The following ACSL3 variants were observed in gnomAD, a reference collection of about 807,000 sequenced individuals.
The protein encoded by ACSL3 is fatty acid CoA ligase Acsl3.
ACSL3 carries 34 observed loss-of-function variants against 84.7 expected under a neutral mutation model. The ratio of observed to expected loss-of-function variants is 0.40; its 90% confidence interval spans 0.31 to 0.53. ACSL3 has a LOEUF of 0.53. Ranked by LOEUF, ACSL3 falls within the 20% of genes least tolerant of loss-of-function variation. The pLI is 0.48. For synonymous variants in ACSL3, 315 were observed against 299.4 expected, an observed-to-expected ratio of 1.05 and a Z score of -0.54; for missense variants, 680 against 873.1, an observed-to-expected ratio of 0.78 and a Z score of 2.79.
At chr2:222,921,065 A>G (rs1696721647) in intron 7 of ACSL3, 1 of 655,062 alleles carries the variant, frequency 1.5e-6, no homozygotes. Context: ...AGTTTTCTTC[A>G]TAGGTTAATC....
intron 3 of ACSL3, among the ~76,000 whole-genome samples, chr2:222,902,482 T>G (rs945426407): frequency 1.3e-5 from 2 of 152,192 alleles, no homozygotes; most frequent in African/African-American, 4.8e-5. Context: ...CCTTTGAAAA[T>G]AAATACTTGG....
chr2:222,902,803 G>C (rs753922750), intron 3 of ACSL3, among the ~76,000 whole-genome samples: 10 of 152,228 alleles, frequency 6.6e-5, no homozygotes, highest in Non-Finnish European at 1.3e-4. Flanking sequence ...ACAAATTCCT[G>C]GTGGCTCCAC....
At chr2:222,888,455 A>G (rs1485722104) in intron 2 of ACSL3, among the ~76,000 whole-genome samples, 1 of 152,168 alleles carries the variant, frequency 6.6e-6, no homozygotes, top group Non-Finnish European at 1.5e-5. Context: ...ATTGAGTAGG[A>G]CTGCTGTAGG....
chr2:222,899,706 G>A (rs1377980000), intron 2 of ACSL3, among the ~76,000 whole-genome samples: 1 of 152,098 alleles, frequency 6.6e-6, no homozygotes, highest in Non-Finnish European at 1.5e-5. Flanking sequence ...CGCCCACCCT[G>A]GGTACAGTGC....
intron 5 of ACSL3, 99 bp from the exon 6 acceptor site, chr2:222,917,947 G>T: frequency 1.2e-6 from 1 of 808,288 alleles, no homozygotes. Context: ...AACAGTTTAG[G>T]GCTCCTAATG....
intron 2 of ACSL3, among the ~76,000 whole-genome samples, chr2:222,899,807 C>T (rs949382615): frequency 6.6e-6 from 1 of 152,108 alleles, no homozygotes; most frequent in Non-Finnish European, 1.5e-5. Context: ...TTGCAAAAAT[C>T]AATGTTATCT....
chr2:222,941,272 C>G (rs569994746), intron 16 of ACSL3, among the ~76,000 whole-genome samples: 6 of 152,056 alleles, frequency 3.9e-5, no homozygotes, highest in Admixed American at 3.9e-4. Context: ...TATTTTGTTC[C>G]TATATCATAT....
intron 1 of ACSL3, among the ~76,000 whole-genome samples, chr2:222,877,544 G>A (rs1282138206): frequency 6.6e-6 from 1 of 152,080 alleles, no homozygotes; most frequent in Non-Finnish European, 1.5e-5. Flanking sequence ...CCTCAGTGAC[G>A]GCTACATATA....
At chr2:222,938,065 C>T (rs1237582323) in intron 16 of ACSL3, among the ~76,000 whole-genome samples, 3 of 152,096 alleles carry the variant, frequency 2.0e-5, no homozygotes, top group Non-Finnish European at 4.4e-5. Context: ...CATATAAAAA[C>T]TTGACTCCTT....
At chr2:222,906,794 T>C (rs1696304785) in intron 3 of ACSL3, among the ~76,000 whole-genome samples, 2 of 152,188 alleles carry the variant, frequency 1.3e-5, no homozygotes, top group Non-Finnish European at 2.9e-5. Flanking sequence ...TTTGTATTTT[T>C]AGTAGAGACG....
chr2:222,866,683 TA>T (rs1559273369), intron 1 of ACSL3, among the ~76,000 whole-genome samples: 1 of 119,682 alleles, frequency 8.4e-6, no homozygotes, highest in Admixed American at 1.1e-4. Context: ...TGATGACATT[TA>T]GGGGCAGTTT....
intron 1 of ACSL3, among the ~76,000 whole-genome samples, chr2:222,869,181 C>G (rs1695233787): frequency 1.3e-5 from 2 of 152,030 alleles, no homozygotes; most frequent in Non-Finnish European, 2.9e-5. Context: ...TTGTGTTGTT[C>G]AGTGGAGAAG....
intron 1 of ACSL3, among the ~76,000 whole-genome samples, chr2:222,876,466 C>T (rs1390883251): frequency 6.6e-6 from 1 of 151,982 alleles, no homozygotes; most frequent in Non-Finnish European, 1.5e-5. Flanking sequence ...GGACTACAGG[C>T]GTGTGCCACC....
chr2:222,880,556 C>T (rs1214639107), intron 1 of ACSL3, among the ~76,000 whole-genome samples: 14 of 152,092 alleles, frequency 9.2e-5, no homozygotes, highest in East Asian at 1.9e-4. Flanking sequence ...TGGCCGGGCG[C>T]GGTGGCTCAT....
intron 3 of ACSL3, among the ~76,000 whole-genome samples, chr2:222,901,964 A>AAAAAAAAAAAAGAAAAAAAAAATG (rs57522671): frequency 1.0e-5 from 1 of 99,456 alleles, no homozygotes; most frequent in Non-Finnish European, 1.8e-5. Flanking sequence ...AAAAAAAAAA[A>AAAAAAAAAAAAGAAAAAAAAAATG]GAACTCAAAT....
chr2:222,893,790 T>A (rs1695900631), intron 2 of ACSL3, among the ~76,000 whole-genome samples: 1 of 151,476 alleles, frequency 6.6e-6, no homozygotes, highest in African/African-American at 2.4e-5. Flanking sequence ...CTCCTCTGCC[T>A]CTTCTCACCT....
At chr2:222,934,801 A>G (rs944500421) in intron 16 of ACSL3, 114 bp downstream of exon 16, 13 of 1,138,432 alleles carry the variant, frequency 1.1e-5, no homozygotes, top group Admixed American at 6.0e-5. Flanking sequence ...AACCATTTCT[A>G]CCGTTAGTAT....
At position 222,927,143 on chromosome 2, in the gene ACSL3, G is replaced by C; in HGVS notation, c.1419G>C (p.Gln473His). Residue 473 changes from glutamine (Q) to histidine (H), a missense_variant, in exon 12 of 17, where the codon CAG becomes CAC. Around this residue, in one of 2 missense-constraint regions of ACSL3, gnomAD observed 347 missense variants for 525.7 expected, o/e 0.66. Coordinates refer to ENST00000357430, the MANE Select transcript of ACSL3 (RefSeq NM_004457.5). ...MNICFCCPVGQGYGLTESAGA... is the reference protein window; with the variant it reads ...MNICFCCPVGHGYGLTESAGA... Reference sequence around the variant, plus strand: ...TCTGTTTCTGCTGTCCTGTTGGTCAGGGATACGGGCTCACTGAATCTGCTG... The same window carrying C: ...TCTGTTTCTGCTGTCCTGTTGGTCACGGATACGGGCTCACTGAATCTGCTG... The C allele has an allele frequency of 6.2e-7, 1 of 1,614,150 alleles. No individual in the cohort carries two copies. Among genetic ancestry groups the C allele is most frequent in the African/African-American group, 1.3e-5 (1 of 75,046 alleles).
intron 15 of ACSL3, chr2:222,933,485 C>T: frequency 2.1e-6 from 1 of 468,350 alleles, no homozygotes; most frequent in Non-Finnish European, 3.8e-6. Flanking sequence ...TCCCTGTTTT[C>T]TGCTTTACGT....
Sources: allele counts gnomAD v4.1 joint callset (sites outside exome capture counted in the v4.1 genomes callset), GRCh38; gene constraint gnomAD v4.1.1; regional missense constraint gnomAD v4.1.1; transcripts MANE v1.5; gene names NCBI Gene and HGNC (gene_info 2026-07-23, HGNC 2026-07-21).